The following PACRG variants were observed in gnomAD, a reference collection of about 807,000 sequenced individuals.
The protein encoded by PACRG is parkin coregulated.
A neutral mutation model predicts 29.7 loss-of-function variants in PACRG; 29 were observed. That is an observed-to-expected ratio of 0.98 (90% CI 0.73 to 1.33). The LOEUF (loss-of-function observed/expected upper bound fraction) is 1.33, where lower values mean the gene tolerates loss of function less well. Ranked by LOEUF, PACRG falls within the 40% of genes most tolerant of loss-of-function variation. PACRG has a pLI of 0.00. For synonymous variants in PACRG, 116 were observed against 118.7 expected, an observed-to-expected ratio of 0.98 and a Z score of 0.15; for missense variants, 279 against 316.2, an observed-to-expected ratio of 0.88 and a Z score of 0.89.
At chr6:163,265,240 TC>T (rs1247311925) in intron 4 of PACRG, among the ~76,000 whole-genome samples, 1 of 152,204 alleles carries the variant, frequency 6.6e-6, no homozygotes, top group African/African-American at 2.4e-5. Flanking sequence ...GGAAGCTGCC[TC>T]TCAGTCGGTC....
At chr6:163,240,684 C>T (rs1782467290) in intron 4 of PACRG, among the ~76,000 whole-genome samples, 1 of 152,186 alleles carries the variant, frequency 6.6e-6, no homozygotes, top group African/African-American at 2.4e-5. Flanking sequence ...GGGGCCTCTT[C>T]AGCTGTAGAG....
chr6:162,897,936 C>T (rs940752516), intron 2 of PACRG, among the ~76,000 whole-genome samples: 7 of 152,190 alleles, frequency 4.6e-5, no homozygotes, highest in African/African-American at 7.2e-5. Flanking sequence ...GAAGCCAGAA[C>T]GAGGTGGTCA....
chr6:162,934,835 G>A (rs938612964), intron 2 of PACRG, among the ~76,000 whole-genome samples: 8 of 152,146 alleles, frequency 5.3e-5, no homozygotes, highest in Admixed American at 1.3e-4. Context: ...CACACATGCA[G>A]GGTTCCCTTA....
intron 2 of PACRG, among the ~76,000 whole-genome samples, chr6:162,999,995 C>G (rs1804434877): frequency 6.6e-6 from 1 of 152,226 alleles, no homozygotes; most frequent in Non-Finnish European, 1.5e-5. Context: ...AAACCTCCAA[C>G]TGGATGTACT....
At chr6:163,037,413 A>G (rs1562854535) in intron 2 of PACRG, among the ~76,000 whole-genome samples, 1 of 152,106 alleles carries the variant, frequency 6.6e-6, no homozygotes, top group Non-Finnish European at 1.5e-5. Flanking sequence ...CTCATTGTAT[A>G]CCTTCTTGAG....
At chr6:163,168,326 T>A (rs755977587) in intron 4 of PACRG, among the ~76,000 whole-genome samples, 1 of 151,866 alleles carries the variant, frequency 6.6e-6, no homozygotes, top group Non-Finnish European at 1.5e-5. Flanking sequence ...AAAGATTAGC[T>A]GGGCATGGTG....
chr6:163,167,003 TC>T (rs1778842128), intron 4 of PACRG, among the ~76,000 whole-genome samples: 2 of 152,358 alleles, frequency 1.3e-5, no homozygotes, highest in East Asian at 3.9e-4. Context: ...GATCATCTTT[TC>T]CAACAGTTGA....
chr6:163,062,375 C>T, intron 3 of PACRG, 54 bp downstream of exon 3: 1 of 1,515,202 alleles, frequency 6.6e-7, no homozygotes, highest in Non-Finnish European at 8.9e-7. Context: ...TGCTTTTTGA[C>T]AACTTGCTAA....
chr6:163,193,196 A>T (rs1345569325), intron 4 of PACRG, among the ~76,000 whole-genome samples: 1 of 152,164 alleles, frequency 6.6e-6, no homozygotes, highest in South Asian at 2.1e-4. Flanking sequence ...GTCTAGAAAA[A>T]TTTTAATGTG....
intron 2 of PACRG, among the ~76,000 whole-genome samples, chr6:162,990,173 A>G (rs1444599487): frequency 2.6e-5 from 4 of 151,326 alleles, no homozygotes; most frequent in South Asian, 2.1e-4. Flanking sequence ...AGTCTTTGCT[A>G]TTGTGAATAA....
chr6:162,912,671 A>G (rs1194323670), intron 2 of PACRG, among the ~76,000 whole-genome samples: 1 of 150,612 alleles, frequency 6.6e-6, no homozygotes, highest in African/African-American at 2.4e-5. Flanking sequence ...TTCCTGGTTC[A>G]AGCAATTCTC....
intron 2 of PACRG, among the ~76,000 whole-genome samples, chr6:162,863,369 T>C (rs1792026327): frequency 6.6e-6 from 1 of 152,248 alleles, no homozygotes; most frequent in South Asian, 2.1e-4. Flanking sequence ...ATGTTGAACT[T>C]TGAAGAGAAT....
chr6:162,768,331 A>G (rs901603762), intron 1 of PACRG, among the ~76,000 whole-genome samples: 16 of 151,866 alleles, frequency 1.1e-4, no homozygotes, highest in Non-Finnish European at 2.2e-4. Flanking sequence ...TTTTCTAATT[A>G]TTGTTCTTTT....
intron 4 of PACRG, among the ~76,000 whole-genome samples, chr6:163,283,301 G>A (rs914231711): frequency 6.6e-6 from 1 of 152,100 alleles, no homozygotes; most frequent in African/African-American, 2.4e-5. Context: ...TCCAAAAAGC[G>A]CTTAACTCGA....
chr6:162,927,938 T>C (rs1196494429), intron 2 of PACRG, among the ~76,000 whole-genome samples: 2 of 152,066 alleles, frequency 1.3e-5, no homozygotes, highest in African/African-American at 4.8e-5. Flanking sequence ...TGTTGATGAA[T>C]TTATTGATGA....
chr6:162,947,613 T>TATATATATATATATATATATATATAATC (rs1799289174), intron 2 of PACRG, among the ~76,000 whole-genome samples: 1 of 14,908 alleles, frequency 6.7e-5, no homozygotes, highest in African/African-American at 2.1e-4. Flanking sequence ...TATATAATCA[T>TATATATATATATATATATATATATAATC]ATATATATAT....
At chr6:163,188,177 G>A (rs910110892) in intron 4 of PACRG, among the ~76,000 whole-genome samples, 23 of 152,076 alleles carry the variant, frequency 1.5e-4, no homozygotes, top group Non-Finnish European at 2.5e-4. Context: ...TCAGAACATC[G>A]GGGAGGCAGG....
intron 2 of PACRG, among the ~76,000 whole-genome samples, chr6:162,968,724 T>G (rs9365517): frequency 0.67 from 102,262 of 151,970 alleles, 34,582 homozygotes; most frequent in East Asian, 0.79. Flanking sequence ...AAAGTGAGAG[T>G]CTGAAGTCAT....
chr6:163,021,168 C>T (rs778305333), intron 2 of PACRG, among the ~76,000 whole-genome samples: 11 of 152,202 alleles, frequency 7.2e-5, no homozygotes, highest in Non-Finnish European at 1.3e-4. Context: ...TCCCGGGCAC[C>T]AGCACTCCAC....
Sources: allele counts gnomAD v4.1 joint callset (sites outside exome capture counted in the v4.1 genomes callset), GRCh38; gene constraint gnomAD v4.1.1; transcripts MANE v1.5; gene names NCBI Gene and HGNC (gene_info 2026-07-23, HGNC 2026-07-21).